Variants in PPM1E observed in about 807,000 individuals in gnomAD.
PPM1E encodes protein phosphatase, Mg2+/Mn2+ dependent 1E, also known as protein phosphatase 1E.
PPM1E carries 20 observed loss-of-function variants against 65.9 expected under a neutral mutation model. The ratio of observed to expected loss-of-function variants is 0.30; its 90% CI spans 0.21 to 0.44. The LOEUF is 0.44. Among genes scored for constraint, PPM1E ranks in the 20% least tolerant of loss-of-function variants. The probability of loss-of-function intolerance (pLI) is 1.00; values close to 1 mark genes in which losing one functional copy is unlikely to be tolerated. For synonymous variants in PPM1E, 352 were observed against 374.9 expected (o/e 0.94, Z 0.70); for missense variants, 713 against 953.1 (o/e 0.75, Z 3.32).
Position 58,980,144 on chromosome 17 carries a change from A to C in PPM1E, c.1381A>C (p.Ser461Arg). Reference protein sequence around the residue: ...SDHLKENNGDSSMVAHKLVAS... With the variant: ...SDHLKENNGDRSMVAHKLVAS... ...CCACCTGAAAGAGAATAATGGAGAC[A>C]GCAGCATGGTTGCCCACAAATTAGT... is the stretch of plus-strand genomic sequence containing the variant. The change falls in exon 7 of 7, where the codon AGC becomes CGC. Residue 461 changes from serine (S) to arginine (R), a missense_variant. Around this residue, in one of 6 missense-constraint regions of PPM1E, gnomAD observed 88 missense variants for 231.1 expected, o/e 0.38. Coordinates refer to ENST00000308249, the MANE Select transcript of PPM1E (RefSeq NM_014906.5). This position sits in a 1 kb window ranked among gnomAD's most constrained non-coding sequence, Gnocchi z 4.7. The C allele has an allele frequency of 6.2e-7, 1 of 1,614,176 alleles. No individual in the cohort carries two copies. Among genetic ancestry groups the C allele is most frequent in the Non-Finnish European group, 8.5e-7 (1 of 1,180,020 alleles).
chr17:58,785,462 A>T (rs917761209), intron 1 of PPM1E: 6 of 68,748 alleles, frequency 8.7e-5, no homozygotes, highest in Non-Finnish European at 7.9e-5. Flanking sequence ...GCTAATTTAT[A>T]TATATATATA....
chr17:58,824,044 T>A (rs754870050), intron 1 of PPM1E, among the ~76,000 whole-genome samples: 1 of 152,130 alleles, frequency 6.6e-6, no homozygotes, highest in Admixed American at 6.6e-5. Flanking sequence ...AAATTTAAAT[T>A]TAATACAAAT....
At chr17:58,855,224 C>T (rs189789803) in intron 1 of PPM1E, among the ~76,000 whole-genome samples, 25 of 152,250 alleles carry the variant, frequency 1.6e-4, no homozygotes, top group Non-Finnish European at 1.0e-4. Context: ...ACAAGGTCTC[C>T]CCTAAGGAGA....
At chr17:58,908,980 C>T (rs1024588771) in intron 1 of PPM1E, among the ~76,000 whole-genome samples, 1 of 152,000 alleles carries the variant, frequency 6.6e-6, no homozygotes, top group Non-Finnish European at 1.5e-5. Flanking sequence ...CATACATATG[C>T]ATAATCAAAT....
chr17:58,764,572 A>G (rs934379365), intron 1 of PPM1E, among the ~76,000 whole-genome samples: 2 of 152,054 alleles, frequency 1.3e-5, no homozygotes, highest in African/African-American at 4.8e-5. Flanking sequence ...AGTAGTTGGC[A>G]GTACAGGCAT....
intron 1 of PPM1E, among the ~76,000 whole-genome samples, chr17:58,832,355 A>G (rs1409665966): frequency 6.6e-6 from 1 of 152,074 alleles, no homozygotes; most frequent in Non-Finnish European, 1.5e-5. Flanking sequence ...TTCTTTTGAA[A>G]TATTGTTGTG....
rs531568676 is a variant in PPM1E, at chr17:58,865,521, G to A, written c.465-90128G>A. On this transcript the variant is annotated intron_variant, in intron 1 of 6. Transcript: ENST00000308249. ...AGCCCAGAGTTTCAGACCAGCCTGG[G>A]CAACATGGCGAAACCCGTCTCTACA... Among the ~76,000 whole-genome samples the A allele has an allele frequency of 7.9e-4, 120 of 152,280 alleles. 2 individuals carry two copies. Among genetic ancestry groups the A allele is most frequent in the Non-Finnish European group, 1.4e-3 (96 of 68,022 alleles).
intron 1 of PPM1E, among the ~76,000 whole-genome samples, chr17:58,862,476 A>G (rs1170788843): frequency 2.0e-5 from 3 of 152,196 alleles, no homozygotes; most frequent in African/African-American, 7.2e-5. Context: ...ACTTACTGCT[A>G]ATGCTGTTGC....
At chr17:58,836,917 G>C (rs2050664143) in intron 1 of PPM1E, among the ~76,000 whole-genome samples, 1 of 149,808 alleles carries the variant, frequency 6.7e-6, no homozygotes, top group South Asian at 2.1e-4. Flanking sequence ...CTACACGGGA[G>C]GCTGAGGCAG....
At chr17:58,833,404 A>C (rs979818249) in intron 1 of PPM1E, among the ~76,000 whole-genome samples, 2 of 150,704 alleles carry the variant, frequency 1.3e-5, no homozygotes, top group Admixed American at 1.3e-4. Flanking sequence ...AGAAGTCTTT[A>C]GTTTCTATTG....
At chr17:58,843,273 C>A (rs1237523987) in intron 1 of PPM1E, among the ~76,000 whole-genome samples, 8 of 151,282 alleles carry the variant, frequency 5.3e-5, no homozygotes, top group African/African-American at 1.9e-4. Flanking sequence ...TTTCAGTGAG[C>A]CGTGATTGCA....
At chr17:58,793,311 A>G (rs1277418204) in intron 1 of PPM1E, among the ~76,000 whole-genome samples, 1 of 152,032 alleles carries the variant, frequency 6.6e-6, no homozygotes, top group Non-Finnish European at 1.5e-5. Context: ...CACTAACATC[A>G]CATTTTAAAG....
At chr17:58,804,950 T>C (rs1475659716) in intron 1 of PPM1E, among the ~76,000 whole-genome samples, 1 of 152,122 alleles carries the variant, frequency 6.6e-6, no homozygotes, top group African/African-American at 2.4e-5. Flanking sequence ...TATAGTTACC[T>C]ACTCTGCTAT....
intron 1 of PPM1E, among the ~76,000 whole-genome samples, chr17:58,827,446 A>C (rs1178833718): frequency 6.6e-6 from 1 of 152,060 alleles, no homozygotes; most frequent in Non-Finnish European, 1.5e-5. Flanking sequence ...GATTACAAGC[A>C]TGAGCCACTA....
chr17:58,811,333 T>G (rs980852502), intron 1 of PPM1E, among the ~76,000 whole-genome samples: 4 of 152,192 alleles, frequency 2.6e-5, no homozygotes, highest in Non-Finnish European at 5.9e-5. Context: ...TTTAATTCAT[T>G]AGGGAAAAAT....
intron 1 of PPM1E, among the ~76,000 whole-genome samples, chr17:58,762,846 C>T (rs1425226088): frequency 4.7e-5 from 7 of 148,782 alleles, no homozygotes; most frequent in African/African-American, 1.7e-4. Flanking sequence ...TGCAGTGAGC[C>T]GAGATCCCGC....
chr17:58,917,379 A>T (rs2051696954), intron 1 of PPM1E, among the ~76,000 whole-genome samples: 1 of 152,072 alleles, frequency 6.6e-6, no homozygotes, highest in Non-Finnish European at 1.5e-5. Context: ...AGCTAAGAGG[A>T]TTGTAGCACT....
intron 1 of PPM1E, among the ~76,000 whole-genome samples, chr17:58,805,980 A>AAAAAAAAAAAAT (rs2050307581): frequency 9.3e-6 from 1 of 107,932 alleles, no homozygotes; most frequent in African/African-American, 4.2e-5. Flanking sequence ...AAAACAAAAA[A>AAAAAAAAAAAAT]AAAACAAAAC....
rs747348113 is a variant in PPM1E, at chr17:58,972,868, G to A, written c.1153G>A (p.Val385Ile). ...GAGAATTGAGGCCCTTGGAGGTTGC[G>A]TAGTCTGGTTTGGTGCCTGGAGGGT... Reference protein sequence around the residue: ...KQRIEALGGCVVWFGAWRVNG... With the variant: ...KQRIEALGGCIVWFGAWRVNG... Residue 385 changes from valine (V) to isoleucine (I), a missense_variant, in exon 6 of 7, where the codon GTA becomes ATA. By Grantham distance (29) the Val-to-Ile change is conservative (BLOSUM62 3). Transcript: ENST00000308249. The A allele has an allele frequency of 7.4e-6, 12 of 1,613,144 alleles. No individual in the cohort carries two copies. The highest frequency in any genetic ancestry group is 6.7e-5 in the East Asian group (3 of 44,850).
Sources: allele counts gnomAD v4.1 joint callset (sites outside exome capture counted in the v4.1 genomes callset), GRCh38; gene constraint gnomAD v4.1.1; regional missense constraint gnomAD v4.1.1; non-coding constraint Gnocchi (gnomAD v3.1); transcripts MANE v1.5; gene names NCBI Gene and HGNC (gene_info 2026-07-23, HGNC 2026-07-21).